KIF27: variants seen among roughly 807,000 people sequenced by gnomAD.
The protein encoded by KIF27 is kinesin-like protein KIF27.
A neutral mutation model predicts 141.8 loss-of-function variants in KIF27; 84 were observed. The ratio of observed to expected loss-of-function variants is 0.59; its 90% confidence interval spans 0.50 to 0.71. The LOEUF is 0.71. Ranked by LOEUF, KIF27 falls within the 30% of genes least tolerant of loss-of-function variation. The pLI is 0.00. For missense variants in KIF27, 1,306 were observed against 1,628.4 expected, an observed-to-expected ratio of 0.80 and a Z score of 3.41; for synonymous variants, 471 against 569.5, an observed-to-expected ratio of 0.83 and a Z score of 2.46.
intron 5 of KIF27, among the ~76,000 whole-genome samples, chr9:83,894,850 T>C (rs1025502639): frequency 1.3e-5 from 2 of 152,138 alleles, no homozygotes; most frequent in Admixed American, 6.5e-5. Flanking sequence ...TCATAGTACA[T>C]CATCCAATCT....
At chr9:83,858,921 G>T (rs1465448238) in intron 14 of KIF27, 1 of 537,434 alleles carries the variant, frequency 1.9e-6, no homozygotes, top group African/African-American at 1.9e-5. Flanking sequence ...GTTTCCAAAT[G>T]CCTGGCAGTG....
intron 2 of KIF27, 140 bp from the exon 3 acceptor site, chr9:83,908,792 C>T (rs1414016495): frequency 2.3e-6 from 1 of 437,144 alleles, no homozygotes; most frequent in Non-Finnish European, 3.9e-6. Flanking sequence ...CGGAGTCTTG[C>T]TCTGTTGCCC....
chr9:83,878,622 ATAT>A (rs1951423985), intron 11 of KIF27, among the ~76,000 whole-genome samples: 1 of 152,180 alleles, frequency 6.6e-6, no homozygotes, highest in Admixed American at 6.5e-5. Flanking sequence ...AACCTTGAAA[ATAT>A]TATGCTAAAT....
intron 5 of KIF27, among the ~76,000 whole-genome samples, chr9:83,897,733 C>T (rs1420262491): frequency 2.0e-5 from 3 of 151,862 alleles, no homozygotes; most frequent in African/African-American, 4.8e-5. Flanking sequence ...GAATATACAA[C>T]AAACTTCTAC....
chr9:83,885,606 A>G (rs763773178), intron 9 of KIF27, among the ~76,000 whole-genome samples: 5 of 151,722 alleles, frequency 3.3e-5, no homozygotes, highest in Non-Finnish European at 7.4e-5. Context: ...ATGAACCACT[A>G]AAAAAATATA....
At chr9:83,894,616 G>A (rs111668587) in intron 5 of KIF27, among the ~76,000 whole-genome samples, 20,081 of 151,942 alleles carry the variant, frequency 0.13, 1,278 homozygotes, top group Non-Finnish European at 0.14. Context: ...TAGGCACTGA[G>A]TCTACTTAGT....
In KIF27 at chr9:83,836,838, A is replaced by G. The variant is rs1945904175; in HGVS notation, c.*163T>C. ...ATAAACTAAAACTCCCCAAATATAT[A>G]TAGAAGATGTACACATCTATAGCAT... On this transcript the variant is annotated 3_prime_UTR_variant, in exon 18 of 18. Coordinates refer to ENST00000297814, the MANE Select transcript of KIF27 (RefSeq NM_017576.4). The G allele has an allele frequency of 7.4e-6, 8 of 1,076,454 alleles. No individual in the cohort carries two copies. Among genetic ancestry groups the G allele is most frequent in the Non-Finnish European group, 1.0e-5 (8 of 775,100 alleles). The allele number at this position is 1,076,454 out of a possible 1,614,324, so 66.7% of individuals were successfully genotyped here.
chr9:83,896,051 CAAAAAAA>C (rs35504224), intron 5 of KIF27, among the ~76,000 whole-genome samples: 3 of 54,524 alleles, frequency 5.5e-5, no homozygotes, highest in African/African-American at 1.9e-4. Flanking sequence ...GACTCTGTCT[CAAAAAAA>C]AAAAAAAAAA....
At chr9:83,914,484 T>C (rs1955503814) in intron 2 of KIF27, among the ~76,000 whole-genome samples, 1 of 152,108 alleles carries the variant, frequency 6.6e-6, no homozygotes, top group Non-Finnish European at 1.5e-5. Flanking sequence ...TTTTTAAAAT[T>C]TTTTATTTTT....
At chr9:83,860,774 C>G (rs1171447368) in intron 13 of KIF27, among the ~76,000 whole-genome samples, 3 of 152,166 alleles carry the variant, frequency 2.0e-5, no homozygotes, top group Non-Finnish European at 2.9e-5. Context: ...TGAGAATTTC[C>G]ATGTTGGAGC....
At chr9:83,898,349 C>G (rs1390641841) in intron 5 of KIF27, among the ~76,000 whole-genome samples, 1 of 152,000 alleles carries the variant, frequency 6.6e-6, no homozygotes, top group Non-Finnish European at 1.5e-5. Flanking sequence ...CAAAAGCAGC[C>G]AGATACTGAA....
At position 83,891,519 on chromosome 9, in the gene KIF27, G is replaced by T; in HGVS notation, c.1603-18C>A. On this transcript the variant is annotated intron_variant, in intron 5 of 17. Coordinates refer to ENST00000297814, the MANE Select transcript of KIF27 (RefSeq NM_017576.4). ...TTTTCATTCTTTGTAGAAGAGAGAT[G>T]AAAATTTTTAATATAGAGCACTTCA... 1 of 1,589,272 alleles carries T rather than the reference G, an allele frequency of 6.3e-7. No homozygotes were observed. The highest frequency in any genetic ancestry group is 8.6e-7 in the Non-Finnish European group (1 of 1,165,472).
At chr9:83,910,212 C>T (rs1955006914) in intron 2 of KIF27, among the ~76,000 whole-genome samples, 1 of 151,946 alleles carries the variant, frequency 6.6e-6, no homozygotes, top group Non-Finnish European at 1.5e-5. Context: ...AGCCACTCCA[C>T]CTCTTGGATA....
intron 15 of KIF27, among the ~76,000 whole-genome samples, chr9:83,851,858 C>T (rs182331258): frequency 2.0e-5 from 3 of 152,136 alleles, no homozygotes; most frequent in East Asian, 1.9e-4. Flanking sequence ...GGCCAGGCAC[C>T]GTGGCTCACA....
At chr9:83,850,869 G>A (rs186821401) in intron 15 of KIF27, among the ~76,000 whole-genome samples, 3 of 102,238 alleles carry the variant, frequency 2.9e-5, no homozygotes, top group Non-Finnish European at 5.3e-5. Context: ...GAGGAGTCTC[G>A]CTCTGTCATC....
At chr9:83,909,166 T>C (rs940734359) in intron 2 of KIF27, among the ~76,000 whole-genome samples, 3 of 152,180 alleles carry the variant, frequency 2.0e-5, no homozygotes, top group African/African-American at 7.2e-5. Context: ...AAGTGAATTA[T>C]ATGGCATATT....
At chr9:83,889,826 T>A (rs1204861783) in intron 6 of KIF27, among the ~76,000 whole-genome samples, 1 of 152,214 alleles carries the variant, frequency 6.6e-6, no homozygotes, top group Non-Finnish European at 1.5e-5. Context: ...TTAATATATG[T>A]CATAGGACAA....
Position 83,903,753 on chromosome 9 carries a change from C to A in KIF27, c.765G>T (p.Gly255=). The A allele has an allele frequency of 6.2e-7, 1 of 1,614,184 alleles. No homozygotes were observed. The highest frequency in any genetic ancestry group is 8.5e-7 in the Non-Finnish European group (1 of 1,180,038). The change falls in exon 4 of 18, where the codon GGG becomes GGT. Residue 255 remains glycine (G), a synonymous_variant. Transcript: ENST00000297814. Reference sequence around the variant, plus strand: ...ATTCTTTGAACCGTTCACCAGTATTCCCCGTTTTGGTTACTCTTTCTGATC... The same window carrying A: ...ATTCTTTGAACCGTTCACCAGTATTACCCGTTTTGGTTACTCTTTCTGATC... ...LAGSERVTKT[G]NTGERFKESI...
chr9:83,854,656 G>A (rs1213214489), intron 14 of KIF27, among the ~76,000 whole-genome samples: 7 of 152,084 alleles, frequency 4.6e-5, no homozygotes, highest in Non-Finnish European at 7.4e-5. Flanking sequence ...CTACCTTGCC[G>A]TCCTGAGTAG....
Sources: gnomAD v4.1 joint callset for allele counts (sites outside exome capture counted in the v4.1 genomes callset) on GRCh38, gnomAD v4.1.1 for gene constraint, MANE v1.5 for transcripts, NCBI Gene and HGNC (gene_info 2026-07-23, HGNC 2026-07-21) for gene names.